RPUSD3: variants seen among roughly 807,000 people sequenced by gnomAD.
The protein encoded by RPUSD3 is mitochondrial mRNA pseudouridine synthase RPUSD3.
Under a neutral mutation model 35.1 loss-of-function variants are expected in RPUSD3, and 36 were observed. The observed-to-expected ratio is 1.02, with a 90% CI of 0.79 to 1.35. The LOEUF is 1.35. Among genes scored for constraint, RPUSD3 ranks in the 40% most tolerant of loss-of-function variants. The pLI is 0.00. For synonymous variants in RPUSD3, 202 were observed against 187.8 expected (o/e 1.08, Z -0.62); for missense variants, 486 against 441.9 (o/e 1.10, Z -0.89).
At chr3:9,843,407 C>A in intron 2 of RPUSD3, 58 bp downstream of exon 2, 2 of 1,603,432 alleles carry the variant, frequency 1.2e-6, no homozygotes, top group Non-Finnish European at 8.5e-7. Context: ...GAGAGCCCAA[C>A]TGCACGCCGA....
chr3:9,843,582 C>T (rs748634830), exon 2 of RPUSD3: 1 of 1,613,694 alleles, frequency 6.2e-7, no homozygotes, highest in Non-Finnish European at 8.5e-7. Context: ...TGGCAGGAGC[C>T]GCGGGGTTGC....
At chr3:9,843,843 C>A in intron 1 of RPUSD3, 47 bp downstream of exon 1, 1 of 1,568,264 alleles carries the variant, frequency 6.4e-7, no homozygotes, top group East Asian at 2.4e-5. Flanking sequence ...CGTGCCTTCC[C>A]CCTGCCCTAG....
chr3:9,842,098 GA>G lies in RPUSD3; in HGVS notation c.308-17del, dbSNP rs994845232. 3.7e-6 allele frequency: 6 copies of G among 1,609,494 alleles called. No individual in the cohort carries two copies. The highest frequency in any genetic ancestry group is 5.1e-6 in the Non-Finnish European group (6 of 1,176,954). The stretch of plus-strand genomic sequence containing the variant: ...CCTGGTTTTCCTGGAAAGTAAGAAA[GA>G]AAAATTACAAGAGGCCAAAGCTTCA... On this transcript the variant is annotated splice_polypyrimidine_tract_variant and intron_variant, in intron 3 of 8. Coordinates refer to ENST00000383820, the Ensembl canonical transcript of RPUSD3.
At position 9,840,635 on chromosome 3, in the gene RPUSD3, G is replaced by A. The variant is rs575744775; in HGVS notation, c.516-19C>T. The A allele has an allele frequency of 6.2e-7, 1 of 1,613,022 alleles. No individual in the cohort carries two copies. Among genetic ancestry groups the A allele is most frequent in the Non-Finnish European group, 8.5e-7 (1 of 1,179,322 alleles). On this transcript the variant is annotated intron_variant, in intron 5 of 8. Transcript: ENST00000383820. Reference sequence around the variant, plus strand: ...GACAGCACTGAGAAAGGGGCAGGAGGAGGTCACAGGGTGGCTTGCTGGGAC... The same window carrying A: ...GACAGCACTGAGAAAGGGGCAGGAGAAGGTCACAGGGTGGCTTGCTGGGAC...
Position 9,840,258 on chromosome 3 carries a change from T to C in RPUSD3, c.650A>G (p.Lys217Arg), listed in dbSNP as rs553409406. The C allele has an allele frequency of 9.9e-6, 16 of 1,614,196 alleles. No individual in the cohort carries two copies. In the African/African-American group the frequency reaches 1.7e-4, roughly 17 times the overall value. The change falls in exon 7 of 9, where the codon AAG becomes AGG. Residue 217 changes from lysine to arginine, a missense_variant. Coordinates refer to ENST00000383820, the Ensembl canonical transcript of RPUSD3. ...CACACGAAAGTGACTGAGAGTCTTC[T>C]TGACACCTTCCAGGATGTCCTTTCG...
rs750997635 is a variant in RPUSD3, at chr3:9,840,235, C to T, written c.673G>A (p.Val225Met). ...GCACAGCCAGAGCCTGTGGCTACCA[C>T]ACGAAAGTGACTGAGAGTCTTCTTG... The change falls in exon 7 of 9, where the codon GTG (valine) becomes ATG (methionine). Residue 225 changes from valine (V) to methionine (M), a missense_variant. Transcript: ENST00000383820. The T allele has an allele frequency of 2.5e-5, 40 of 1,614,028 alleles. No homozygotes were observed. The Admixed American group carries it at 2.8e-4, about 11-fold the overall frequency.
At chr3:9,839,266 C>A (rs898809887) in intron 7 of RPUSD3, 95 bp from the exon 8 acceptor site, 2 of 1,426,122 alleles carry the variant, frequency 1.4e-6, no homozygotes, top group Non-Finnish European at 1.9e-6. Context: ...GAAACACCAC[C>A]CCCTTTCTCA....
intron 8 of RPUSD3, among the ~76,000 whole-genome samples, chr3:9,838,473 C>T (rs775009577): frequency 1.1e-4 from 17 of 152,154 alleles, no homozygotes; most frequent in Non-Finnish European, 2.1e-4. Flanking sequence ...CTTGGTGAGA[C>T]GTGAGTGAGC....
rs1204716771 is a variant in RPUSD3 at position 9,843,874 on chromosome 3, G to T, written c.125+16C>A. 4.3e-5 allele frequency: 68 copies of T among 1,597,538 alleles called. No individual in the cohort carries two copies. The highest frequency in any genetic ancestry group is 5.6e-5 in the Non-Finnish European group (66 of 1,172,664). On this transcript the variant is annotated intron_variant, in intron 1 of 8. Coordinates refer to ENST00000383820, the Ensembl canonical transcript of RPUSD3. The stretch of plus-strand genomic sequence containing the variant: ...CCTAGCCTCCGTCCCGCATGAGAGA[G>T]GGGGTACTTAATCACCGGGCTTCGG...
At position 9,840,782 on chromosome 3, in the gene RPUSD3, A is replaced by C. The variant is rs759426656; in HGVS notation, c.431T>G (p.Leu144Arg). Reference sequence around the variant, plus strand: ...ACTAGCTGTCTGGGGACAGCTGGAGAGGAGTACAAGCCCAGAGCTTTCTCT... The same window carrying C: ...ACTAGCTGTCTGGGGACAGCTGGAGCGGAGTACAAGCCCAGAGCTTTCTCT... Residue 144 changes from leucine to arginine, a missense_variant, in exon 5 of 9, where the codon CTC (leucine) becomes CGC (arginine). Coordinates refer to ENST00000383820, the Ensembl canonical transcript of RPUSD3. 6.2e-6 allele frequency: 10 copies of C among 1,614,012 alleles called. No homozygotes were observed. The Admixed American group carries it at 1.3e-4, about 22-fold the overall frequency.
intron 2 of RPUSD3, 162 bp from the exon 3 acceptor site, chr3:9,842,405 C>G (rs186205511): frequency 1.4e-6 from 1 of 703,250 alleles, no homozygotes; most frequent in Non-Finnish European, 2.5e-6. Context: ...TCTTTCTGTT[C>G]CTCTGCCACC....
At chr3:9,842,241 G>T in exon 3 of RPUSD3, 1 of 1,614,094 alleles carries the variant, frequency 6.2e-7, no homozygotes, top group Non-Finnish European at 8.5e-7. Context: ...GTCACTAGAG[G>T]TCCTGAAACA....
At chr3:9,840,479 T>C in intron 6 of RPUSD3, 53 bp downstream of exon 6, 1 of 1,589,152 alleles carries the variant, frequency 6.3e-7, no homozygotes, top group Admixed American at 1.7e-5. Context: ...GACTCCTCTC[T>C]GTAGGGGTAC....
chr3:9,843,898 G>T, exon 1 of RPUSD3: 2 of 1,604,436 alleles, frequency 1.2e-6, no homozygotes, highest in South Asian at 1.1e-5. Flanking sequence ...ACCGGGCTTC[G>T]GTGCCAAAGC....
intron 8 of RPUSD3, among the ~76,000 whole-genome samples, chr3:9,838,751 T>C (rs2082060804): frequency 6.6e-6 from 1 of 152,156 alleles, no homozygotes; most frequent in Non-Finnish European, 1.5e-5. Context: ...ACGCATGCCT[T>C]TGACCCTTTG....
At chr3:9,837,887 A>G in exon 9 of RPUSD3, 4 of 962,116 alleles carry the variant, frequency 4.2e-6, no homozygotes, top group South Asian at 1.9e-5. Context: ...CCAGAGAGGT[A>G]AAGTTACTTG....
In RPUSD3 at chr3:9,840,165, G is replaced by C. The variant is rs751204370; in HGVS notation, c.724+19C>G. On this transcript the variant is annotated intron_variant, in intron 7 of 8. Coordinates refer to ENST00000383820, the Ensembl canonical transcript of RPUSD3. Reference sequence around the variant, plus strand: ...AAATCAAGTGCAGTTTTAAAGGCTGGCTAGGGTGCCAGACCTACCTGTCAG... The same window carrying C: ...AAATCAAGTGCAGTTTTAAAGGCTGCCTAGGGTGCCAGACCTACCTGTCAG... The C allele has an allele frequency of 6.2e-7, 1 of 1,605,570 alleles. No homozygotes were observed. The highest frequency in any genetic ancestry group is 8.5e-7 in the Non-Finnish European group (1 of 1,175,618).
chr3:9,842,002 C>A (rs1476898759), exon 4 of RPUSD3: 1 of 1,614,082 alleles, frequency 6.2e-7, no homozygotes, highest in Admixed American at 1.7e-5. Flanking sequence ...GCTCGGACAA[C>A]CTGAAGCTCC....
Position 9,841,227 on chromosome 3 carries a change from C to A in RPUSD3, c.408-422G>T, listed in dbSNP as rs558202422. On this transcript the variant is annotated intron_variant, in intron 4 of 8. Coordinates refer to ENST00000383820, the Ensembl canonical transcript of RPUSD3. ...GACTAGCAATGCCTGCCACGAGTACCGTCATGGAGAAATGACTGCACACTG... is the reference window on the plus strand; with the variant it reads ...GACTAGCAATGCCTGCCACGAGTACAGTCATGGAGAAATGACTGCACACTG... 5.0e-4 allele frequency: 82 copies of A among 163,450 alleles called. 1 individual carries two copies. Among genetic ancestry groups the A allele is most frequent in the African/African-American group, 1.1e-3 (45 of 41,620 alleles). The allele number at this position is 163,450 out of a possible 1,614,324, so 10.1% of individuals were successfully genotyped here.
Sources: allele counts gnomAD v4.1 joint callset (sites outside exome capture counted in the v4.1 genomes callset), GRCh38; gene constraint gnomAD v4.1.1; transcripts MANE v1.5; gene names NCBI Gene and HGNC (gene_info 2026-07-23, HGNC 2026-07-21).